Variants in PLCH1 observed in about 807,000 individuals in gnomAD.
The protein encoded by PLCH1 is 1-phosphatidylinositol 4,5-bisphosphate phosphodiesterase eta-1.
A neutral mutation model predicts 126.7 loss-of-function variants in PLCH1; 60 were observed. That is an observed-to-expected ratio of 0.47 (90% CI 0.38 to 0.59). PLCH1 has a LOEUF of 0.59. PLCH1 is among the 20% of genes least tolerant of loss of function. The pLI is 0.00. For synonymous variants in PLCH1, 719 were observed against 734.9 expected (o/e 0.98, Z 0.35); for missense variants, 1,723 against 2,040.0 (o/e 0.84, Z 2.99).
chr3:155,648,554 G>A (rs904677933), intron 2 of PLCH1, among the ~76,000 whole-genome samples: 1 of 152,156 alleles, frequency 6.6e-6, no homozygotes, highest in African/African-American at 2.4e-5. Flanking sequence ...TTATTCATAT[G>A]TTCTCTCTTT....
In PLCH1 at chr3:155,489,578, T is replaced by C. The variant is rs567073492; in HGVS notation, c.2393-772A>G. ...GTCAAATTAGACCATGCACTATTGA[T>C]TCCCAGTAGCTTCTCACGAAGCAAG... On this transcript the variant is annotated intron_variant, in intron 19 of 22. Transcript: ENST00000460012. Among the ~76,000 whole-genome samples the C allele has an allele frequency of 2.6e-5, 4 of 152,300 alleles. No individual in the cohort carries two copies. The East Asian group carries it at 5.8e-4, about 22-fold the overall frequency.
chr3:155,550,885 C>T (rs892919525), intron 9 of PLCH1, among the ~76,000 whole-genome samples: 1 of 152,130 alleles, frequency 6.6e-6, no homozygotes, highest in African/African-American at 2.4e-5. Context: ...TTCCACAATA[C>T]GGGCTATGAC....
chr3:155,522,707 T>C (rs1169727227), intron 11 of PLCH1, among the ~76,000 whole-genome samples: 3 of 86,812 alleles, frequency 3.5e-5, no homozygotes, highest in Admixed American at 2.7e-4. Context: ...AAAATTTCTC[T>C]CTCTTTTTTT....
intron 8 of PLCH1, among the ~76,000 whole-genome samples, chr3:155,556,658 C>T (rs1414677004): frequency 2.0e-5 from 3 of 152,252 alleles, no homozygotes; most frequent in Admixed American, 6.5e-5. Flanking sequence ...TGGGTAAAGC[C>T]GATTATGCTC....
chr3:155,725,644 T>A (rs1188601747), intron 1 of PLCH1, among the ~76,000 whole-genome samples: 1 of 152,136 alleles, frequency 6.6e-6, no homozygotes, highest in African/African-American at 2.4e-5. Context: ...TTCACCACGT[T>A]GGCCGGGCTG....
intron 1 of PLCH1, among the ~76,000 whole-genome samples, chr3:155,708,772 C>T (rs1026448191): frequency 6.6e-6 from 1 of 152,062 alleles, no homozygotes; most frequent in African/African-American, 2.4e-5. Context: ...ATTCCACCTC[C>T]TAAGAGGTCT....
At chr3:155,606,831 A>T (rs925038614) in intron 2 of PLCH1, among the ~76,000 whole-genome samples, 1 of 152,200 alleles carries the variant, frequency 6.6e-6, no homozygotes, top group African/African-American at 2.4e-5. Context: ...CCCAACTTTT[A>T]GAGAACCTAG....
chr3:155,478,481 C>T (rs1299049212), downstream of PLCH1, among the ~76,000 whole-genome samples: 1 of 152,090 alleles, frequency 6.6e-6, no homozygotes, highest in Non-Finnish European at 1.5e-5. Context: ...GTGCTTATTT[C>T]ACATTGCATG....
intron 2 of PLCH1, among the ~76,000 whole-genome samples, chr3:155,616,813 T>A (rs1285899499): frequency 6.6e-6 from 1 of 152,142 alleles, no homozygotes; most frequent in Non-Finnish European, 1.5e-5. Flanking sequence ...TCACTTTGGC[T>A]AAATAAATAA....
At chr3:155,673,511 A>G (rs1559923530) in intron 2 of PLCH1, among the ~76,000 whole-genome samples, 1 of 152,156 alleles carries the variant, frequency 6.6e-6, no homozygotes, top group Non-Finnish European at 1.5e-5. Context: ...TTCAAATGAC[A>G]TAGCATGAGC....
rs1369743972 is a variant in PLCH1 at position 155,728,216 on chromosome 3, G to C, written c.-41+16624C>G. Among the ~76,000 whole-genome samples, 4 of 152,098 alleles carry C rather than the reference G, an allele frequency of 2.6e-5. No individual in the cohort carries two copies. In the East Asian group the frequency reaches 7.7e-4, roughly 29 times the overall value. ...TATCAGCGGGGGGCGAGGGTGTGTTGCTAAGAAGAGAGCTGACCCCTGGTA... is the reference window on the plus strand; with the variant it reads ...TATCAGCGGGGGGCGAGGGTGTGTTCCTAAGAAGAGAGCTGACCCCTGGTA... On this transcript the variant is annotated intron_variant, in intron 1 of 22. Transcript: ENST00000460012.
rs972690669 is a variant in PLCH1 at position 155,521,274 on chromosome 3, C to A, written c.1470+2623G>T. Among the ~76,000 whole-genome samples, 5 of 152,110 alleles carry A rather than the reference C, an allele frequency of 3.3e-5. No homozygotes were observed. The East Asian group carries it at 7.7e-4, about 23-fold the overall frequency. On this transcript the variant is annotated intron_variant, in intron 11 of 22. Coordinates refer to ENST00000460012, the MANE Select transcript of PLCH1 (RefSeq NM_014996.4). ...CTTATTTGTCTTATTTCTTGTCTAT[C>A]CTCCTCTTCTCCCATTGATGTGTAA...
intron 2 of PLCH1, among the ~76,000 whole-genome samples, chr3:155,625,534 GA>G (rs1200343778): frequency 2.6e-5 from 4 of 151,768 alleles, no homozygotes; most frequent in African/African-American, 9.7e-5. Context: ...AAATTTACAA[GA>G]AAAAAACAAC....
chr3:155,716,671 C>A (rs1490399401), intron 1 of PLCH1, among the ~76,000 whole-genome samples: 1 of 152,170 alleles, frequency 6.6e-6, no homozygotes, highest in East Asian at 1.9e-4. Context: ...CATGACAGCA[C>A]CATGTCATCC....
chr3:155,628,356 GAAAAAAAAAAAAA>G (rs34200511), intron 2 of PLCH1, among the ~76,000 whole-genome samples: 2 of 98,158 alleles, frequency 2.0e-5, no homozygotes, highest in African/African-American at 8.5e-5. Context: ...CTATGCCCAG[GAAAAAAAAAAAAA>G]AAAAAAAATC....
At chr3:155,685,133 T>C (rs1744836620) in intron 2 of PLCH1, among the ~76,000 whole-genome samples, 1 of 152,100 alleles carries the variant, frequency 6.6e-6, no homozygotes, top group Non-Finnish European at 1.5e-5. Flanking sequence ...ACTCAGATTC[T>C]GGATAGTTTT....
At chr3:155,544,608 C>A (rs1220203272) in intron 10 of PLCH1, among the ~76,000 whole-genome samples, 6 of 152,188 alleles carry the variant, frequency 3.9e-5, no homozygotes, top group South Asian at 2.1e-4. Context: ...CACACCACAC[C>A]TATTCCAAAA....
intron 2 of PLCH1, among the ~76,000 whole-genome samples, chr3:155,700,349 A>T (rs905760530): frequency 1.3e-5 from 2 of 152,202 alleles, no homozygotes; most frequent in Non-Finnish European, 2.9e-5. Context: ...TAAAAGTATT[A>T]ACATATATAT....
chr3:155,562,997 C>A (rs776065539), intron 8 of PLCH1, among the ~76,000 whole-genome samples: 38 of 152,192 alleles, frequency 2.5e-4, no homozygotes, highest in Non-Finnish European at 5.1e-4. Flanking sequence ...CTGTCAAATA[C>A]AACTAAATTG....
Sources: gnomAD v4.1 joint callset for allele counts (sites outside exome capture counted in the v4.1 genomes callset) on GRCh38, gnomAD v4.1.1 for gene constraint, MANE v1.5 for transcripts, NCBI Gene and HGNC (gene_info 2026-07-23, HGNC 2026-07-21) for gene names.